The following PITPNC1 variants were observed in gnomAD, a reference collection of about 807,000 sequenced individuals.
PITPNC1 encodes phosphatidylinositol transfer protein cytoplasmic 1.
In PITPNC1, 18 loss-of-function variants were observed where a neutral mutation model predicts 44.7. That is an observed-to-expected ratio of 0.40 (90% CI 0.28 to 0.60). PITPNC1 has a LOEUF of 0.60. PITPNC1 is among the 20% of genes least tolerant of loss of function. The probability of loss-of-function intolerance (pLI) is 0.39; values close to 1 mark genes in which losing one functional copy is unlikely to be tolerated. For missense variants in PITPNC1, 290 were observed against 418.4 expected (o/e 0.69, Z 2.68); for synonymous variants, 141 against 149.6 (o/e 0.94, Z 0.42).
At chr17:67,465,666 C>T (rs2039415794) in intron 1 of PITPNC1, among the ~76,000 whole-genome samples, 2 of 152,242 alleles carry the variant, frequency 1.3e-5, no homozygotes, top group East Asian at 1.9e-4. Context: ...AAATGAGGCT[C>T]CTCTCTGATG....
chr17:67,624,492 C>A (rs2041871775), intron 5 of PITPNC1, among the ~76,000 whole-genome samples: 1 of 151,992 alleles, frequency 6.6e-6, no homozygotes, highest in Non-Finnish European at 1.5e-5. Flanking sequence ...AGCCACTGTG[C>A]CTTGCCAAGA....
At chr17:67,523,875 A>G (rs991648819) in intron 1 of PITPNC1, among the ~76,000 whole-genome samples, 41 of 144,790 alleles carry the variant, frequency 2.8e-4, no homozygotes, top group African/African-American at 1.1e-3. Flanking sequence ...ACAGTGGTGC[A>G]ATCTCTGCTC....
chr17:67,607,576 A>C (rs1413495803), intron 5 of PITPNC1, among the ~76,000 whole-genome samples: 1 of 152,220 alleles, frequency 6.6e-6, no homozygotes, highest in Non-Finnish European at 1.5e-5. Context: ...GTTTGTAAGA[A>C]GAGTGCAGTG....
intron 4 of PITPNC1, among the ~76,000 whole-genome samples, chr17:67,565,391 CCA>C (rs2040962584): frequency 7.1e-6 from 1 of 140,594 alleles, no homozygotes; most frequent in African/African-American, 2.7e-5. Context: ...TACTAGTTTT[CCA>C]TGTTTTTCAG....
intron 1 of PITPNC1, 109 bp from the exon 2 acceptor site, chr17:67,532,693 C>A: frequency 1.2e-6 from 1 of 817,790 alleles, no homozygotes; most frequent in Non-Finnish European, 1.9e-6. Flanking sequence ...GCCTTCTCTT[C>A]TCAGCAGAAG....
At chr17:67,662,465 T>C (rs1598950946) in intron 6 of PITPNC1, among the ~76,000 whole-genome samples, 1 of 152,202 alleles carries the variant, frequency 6.6e-6, no homozygotes, top group Middle Eastern at 3.4e-3. Flanking sequence ...AAGAAAGTGG[T>C]GTATAATTCA....
At chr17:67,442,643 G>T (rs910927153) in intron 1 of PITPNC1, among the ~76,000 whole-genome samples, 6 of 151,774 alleles carry the variant, frequency 4.0e-5, no homozygotes. Context: ...AGGAGTTTGA[G>T]ACCAGCCTGG....
intron 1 of PITPNC1, among the ~76,000 whole-genome samples, chr17:67,472,242 A>G (rs1022408976): frequency 6.8e-6 from 1 of 146,096 alleles, no homozygotes; most frequent in Non-Finnish European, 1.5e-5. Flanking sequence ...AGGGGTGTCC[A>G]ATCTTTTGGC....
intron 1 of PITPNC1, among the ~76,000 whole-genome samples, chr17:67,390,580 G>A (rs897386463): frequency 6.6e-6 from 1 of 152,184 alleles, no homozygotes; most frequent in Non-Finnish European, 1.5e-5. Flanking sequence ...ATTGATGTTT[G>A]TCTGGCAGAT....
rs191556027 is a variant in PITPNC1 at position 67,401,532 on chromosome 17, C to A, written c.48+23330C>A. ...AACACAAGCCCTTTCCACATGCTGA[C>A]TCTTTAAACATTTAAAGAAATCTAT... On this transcript the variant is annotated intron_variant, in intron 1 of 8. Coordinates refer to ENST00000581322, the MANE Select transcript of PITPNC1 (RefSeq NM_012417.4). Among the ~76,000 whole-genome samples the A allele has an allele frequency of 7.2e-5, 11 of 152,276 alleles. No homozygotes were observed. In the East Asian group the frequency reaches 1.7e-3, roughly 24 times the overall value.
chr17:67,406,748 G>A (rs1320180991), intron 1 of PITPNC1, among the ~76,000 whole-genome samples: 8 of 151,780 alleles, frequency 5.3e-5, no homozygotes, highest in South Asian at 2.1e-4. Context: ...CACCATGCCC[G>A]GCTAATTTTT....
At chr17:67,459,184 C>T (rs973169514) in intron 1 of PITPNC1, among the ~76,000 whole-genome samples, 17 of 124,434 alleles carry the variant, frequency 1.4e-4, no homozygotes, top group Non-Finnish European at 1.9e-4. Flanking sequence ...ATGGCTTGAT[C>T]TTGGCTCACT....
At chr17:67,399,241 C>T (rs2038271377) in intron 1 of PITPNC1, among the ~76,000 whole-genome samples, 1 of 152,052 alleles carries the variant, frequency 6.6e-6, no homozygotes, top group Non-Finnish European at 1.5e-5. Context: ...TCTCGAACTC[C>T]TGACCTTGTG....
chr17:67,495,040 GTTTTTTTTTTTGTTTTTTTTT>G lies in PITPNC1; in HGVS notation c.49-37750_49-37730del, dbSNP rs1184454010. Among the ~76,000 whole-genome samples the G allele has an allele frequency of 2.5e-3, 163 of 64,724 alleles. 2 individuals are homozygous for G. The highest frequency in any genetic ancestry group is 0.01 in the African/African-American group (156 of 14,950). 42.5% of individuals were successfully genotyped at this position (64,724 alleles called of 152,430 possible). A position where few individuals can be genotyped will look rare whatever the true frequency, so the allele number is the denominator to read the frequency against. On this transcript the variant is annotated intron_variant, in intron 1 of 8. Coordinates refer to ENST00000581322, the MANE Select transcript of PITPNC1 (RefSeq NM_012417.4). ...TTTGGCAATATTGAGCCATGGAGTTGTTTTTTTTTTTGTTTTTTTTTTTTTTTTTTTTTTGAGACGGAGTCT... is the reference window on the plus strand; with the variant it reads ...TTTGGCAATATTGAGCCATGGAGTTGTTTTTTTTTTTTTGAGACGGAGTCT...
Position 67,561,455 on chromosome 17 carries a change from C to CA in PITPNC1, c.294+7851dup, listed in dbSNP as rs554951008. On this transcript the variant is annotated intron_variant, in intron 4 of 8. Coordinates refer to ENST00000581322, the MANE Select transcript of PITPNC1 (RefSeq NM_012417.4). Reference sequence around the variant, plus strand: ...TGGGTGACAATGTAAGACTCTGTCTCAAAAAAAAAAAAAGGGAATGCAGAA... The same window carrying CA: ...TGGGTGACAATGTAAGACTCTGTCTCAAAAAAAAAAAAAAGGGAATGCAGAA... Among the ~76,000 whole-genome samples the CA allele has an allele frequency of 5.3e-3, 711 of 134,326 alleles. 6 individuals are homozygous for CA. The highest frequency in any genetic ancestry group is 0.015 in the African/African-American group (549 of 36,348). 88.1% of individuals were successfully genotyped at this position (134,326 alleles called of 152,430 possible). A position where few individuals can be genotyped will look rare whatever the true frequency, so the allele number is the denominator to read the frequency against.
chr17:67,580,823 C>T (rs972440508), intron 5 of PITPNC1, among the ~76,000 whole-genome samples: 9 of 152,074 alleles, frequency 5.9e-5, no homozygotes, highest in African/African-American at 1.2e-4. Context: ...CTGTGGTGGA[C>T]GGATCACCTG....
At chr17:67,684,165 G>A (rs1376148118) in intron 8 of PITPNC1, among the ~76,000 whole-genome samples, 11 of 147,240 alleles carry the variant, frequency 7.5e-5, no homozygotes, top group Non-Finnish European at 1.5e-4. Flanking sequence ...AGGCTGGAGT[G>A]CAGTGACATG....
At chr17:67,658,696 C>T (rs954160313) in intron 6 of PITPNC1, among the ~76,000 whole-genome samples, 1 of 152,168 alleles carries the variant, frequency 6.6e-6, no homozygotes, top group African/African-American at 2.4e-5. Flanking sequence ...GCCCACCTTG[C>T]TTTGTTTGCT....
chr17:67,436,609 G>A (rs2038940118), intron 1 of PITPNC1, among the ~76,000 whole-genome samples: 1 of 152,074 alleles, frequency 6.6e-6, no homozygotes, highest in Non-Finnish European at 1.5e-5. Context: ...TTTGCAATGG[G>A]AGCCACTGAG....
Sources: allele counts gnomAD v4.1 joint callset (sites outside exome capture counted in the v4.1 genomes callset), GRCh38; gene constraint gnomAD v4.1.1; transcripts MANE v1.5; gene names NCBI Gene and HGNC (gene_info 2026-07-23, HGNC 2026-07-21).